Variants in B9D1 observed in about 807,000 individuals in gnomAD.
B9D1 encodes the protein B9 domain-containing protein 1.
In B9D1, 20 loss-of-function variants were observed where a neutral mutation model predicts 26.1. The ratio of observed to expected loss-of-function variants is 0.77; its 90% confidence interval spans 0.54 to 1.12. The LOEUF is 1.12. Ranked by LOEUF, B9D1 falls within the 50% of genes most tolerant of loss-of-function variation. The probability of loss-of-function intolerance (pLI) is 0.00; values close to 1 mark genes in which losing one functional copy is unlikely to be tolerated. For missense variants in B9D1, 260 were observed against 273.7 expected (o/e 0.95, Z 0.35); for synonymous variants, 105 against 103.1 (o/e 1.02, Z -0.11).
chr17:19,359,584 TCA>T lies in B9D1; in HGVS notation c.132+734_132+735del, dbSNP rs917409064. On this transcript the variant is annotated intron_variant, in intron 2 of 6. Transcript: ENST00000261499. The surrounding 1 kb of genome is among the most constrained non-coding windows in gnomAD (Gnocchi z 5.0). Reference sequence around the variant, plus strand: ...TGTCACTTCCTGGCTTGGTCTCCCCTCACACTTCTGGCTTACTAACATCCTAG... The same window carrying T: ...TGTCACTTCCTGGCTTGGTCTCCCCTCACTTCTGGCTTACTAACATCCTAG... Among the ~76,000 whole-genome samples the T allele has an allele frequency of 6.6e-6, 1 of 152,162 alleles. No homozygotes were observed. The highest frequency in any genetic ancestry group is 1.5e-5 in the Non-Finnish European group (1 of 68,032).
chr17:19,344,493 G>T (rs775908726), intron 5 of B9D1: 49 of 279,286 alleles, frequency 1.8e-4, no homozygotes, highest in Non-Finnish European at 3.4e-4. Flanking sequence ...GGAGGCCGGG[G>T]GTGTCAGGCC....
upstream of B9D1, among the ~76,000 whole-genome samples, chr17:19,365,551 C>T (rs1911544011): frequency 2.0e-5 from 3 of 152,234 alleles, no homozygotes; most frequent in Admixed American, 1.3e-4. The surrounding 1 kb of genome is among the most constrained non-coding windows in gnomAD (Gnocchi z 5.0). Flanking sequence ...CTGGAGGCCT[C>T]AGCCAGCCTG....
downstream of B9D1, among the ~76,000 whole-genome samples, chr17:19,342,704 G>A (rs1045603749): frequency 2.6e-5 from 4 of 152,146 alleles, no homozygotes; most frequent in African/African-American, 9.7e-5. Flanking sequence ...CCCAGCCAGC[G>A]GCCTCCCACC....
chr17:19,373,466 A>G (rs1028618663), intron 1 of B9D1, among the ~76,000 whole-genome samples: 8 of 150,844 alleles, frequency 5.3e-5, no homozygotes, highest in African/African-American at 2.0e-4. Flanking sequence ...ATCTTGGCTC[A>G]CTGCAACCTC....
Position 19,357,969 on chromosome 17 carries a change from C to T in B9D1, c.133-18G>A, listed in dbSNP as rs1213271670. ...TCCAGACCCTGTGAGGACAGTGACA[C>T]AGACGGCTGGATTCAGAGCAGAGCC... On this transcript the variant is annotated intron_variant, in intron 2 of 6. Transcript: ENST00000261499. 6.3e-7 allele frequency: 1 copy of T among 1,599,244 alleles called. No homozygotes were observed. The highest frequency in any genetic ancestry group is 8.6e-7 in the Non-Finnish European group (1 of 1,166,692).
intron 3 of B9D1, among the ~76,000 whole-genome samples, chr17:19,354,854 T>C (rs923561963): frequency 2.0e-5 from 3 of 152,176 alleles, no homozygotes; most frequent in African/African-American, 7.2e-5. Context: ...AAAGATTTTC[T>C]TTTTGTCTTT....
At chr17:19,346,840 T>G in intron 5 of B9D1, 1 of 1,218,898 alleles carries the variant, frequency 8.2e-7, no homozygotes, top group Non-Finnish European at 1.1e-6. Context: ...TCCCCGGCTC[T>G]TCCCTCCACA....
Position 19,347,923 on chromosome 17 carries a change from A to G in B9D1, c.245-43T>C, listed in dbSNP as rs1567889237. 2 of 1,530,298 alleles carry G rather than the reference A, an allele frequency of 1.3e-6. No individual in the cohort carries two copies. The highest frequency in any genetic ancestry group is 2.2e-5 in the East Asian group (1 of 44,562). The allele number at this position is 1,530,298 out of a possible 1,614,324, so 94.8% of individuals were successfully genotyped here. On this transcript the variant is annotated intron_variant, in intron 3 of 6. Coordinates refer to ENST00000261499, the MANE Select transcript of B9D1 (RefSeq NM_015681.6). This position sits in a 1 kb window ranked among gnomAD's most constrained non-coding sequence, Gnocchi z 4.3. ...AGGGGGTGGGCACATGAGGACACACAGGGGAGGTGCAGGGCAGAGAACAGG... is the reference window on the plus strand; with the variant it reads ...AGGGGGTGGGCACATGAGGACACACGGGGGAGGTGCAGGGCAGAGAACAGG...
At chr17:19,369,620 T>C (rs1447924893) in intron 1 of B9D1, among the ~76,000 whole-genome samples, 1 of 151,944 alleles carries the variant, frequency 6.6e-6, no homozygotes, top group African/African-American at 2.4e-5. Context: ...GGGGGAAAGC[T>C]GAGAGGCCGA....
At chr17:19,335,612 G>C, downstream of B9D1, 5 of 641,172 alleles carry the variant, frequency 7.8e-6, no homozygotes, top group East Asian at 3.2e-5. Flanking sequence ...CCTAGGCTAA[G>C]ACAGGGGTGG....
chr17:19,343,657 C>T (rs1439167593), intron 6 of B9D1, 133 bp downstream of exon 6: 7 of 1,598,066 alleles, frequency 4.4e-6, no homozygotes, highest in South Asian at 1.1e-5. Flanking sequence ...ACCAGGCCCT[C>T]ATCTGGGAAC....
intron 1 of B9D1, among the ~76,000 whole-genome samples, chr17:19,377,013 A>T (rs1408761290): frequency 1.3e-5 from 2 of 152,140 alleles, no homozygotes; most frequent in Non-Finnish European, 2.9e-5. Flanking sequence ...TTGAACAGAC[A>T]TTTCCCCAAA....
At chr17:19,340,319 C>T (rs55885404), downstream of B9D1, among the ~76,000 whole-genome samples, 103,310 of 151,224 alleles carry the variant, frequency 0.68, 37,783 homozygotes, top group Non-Finnish European at 0.81. Context: ...TACAGGCGCC[C>T]GCCACCATGC....
At position 19,372,363 on chromosome 17, in the gene B9D1, C is replaced by T. The variant is rs1911936725; in HGVS notation, c.-298+5496G>A. 1 of 152,414 alleles carries T rather than the reference C, an allele frequency of 6.6e-6. No homozygotes were observed. The highest frequency in any genetic ancestry group is 6.5e-5 in the Admixed American group (1 of 15,290). 9.4% of individuals were successfully genotyped at this position (152,414 alleles called of 1,614,324 possible). A position where few individuals can be genotyped will look rare whatever the true frequency, so the allele number is the denominator to read the frequency against. ...GGCCTTGGGGCCCTGCATGGTCTCA[C>T]CCCTGCCTAACTTTCTCGTCTCCAT... On this transcript the variant is annotated intron_variant, in intron 1 of 5. Coordinates refer to the B9D1 transcript ENST00000477478. This position sits in a 1 kb window ranked among gnomAD's most constrained non-coding sequence, Gnocchi z 4.4.
At chr17:19,351,825 T>C (rs918327916) in intron 3 of B9D1, among the ~76,000 whole-genome samples, 2 of 152,262 alleles carry the variant, frequency 1.3e-5, no homozygotes, top group Non-Finnish European at 2.9e-5. Flanking sequence ...TCTTATCTTT[T>C]TACTGTCTGC....
rs2152264476 is a variant in B9D1 at position 19,349,291 on chromosome 17, T to C, written c.245-1411A>G. Among the ~76,000 whole-genome samples the C allele has an allele frequency of 2.0e-5, 3 of 152,328 alleles. 1 individual carries two copies. In the South Asian group the frequency reaches 6.2e-4, roughly 32 times the overall value. ...GAAATAAGGTTGAGACCTTTACCTG[T>C]TTCTTGGTCACCTGGATGTCCTCTT... On this transcript the variant is annotated intron_variant, in intron 3 of 6. Transcript: ENST00000261499.
downstream of B9D1, chr17:19,335,597 C>T: frequency 1.1e-6 from 1 of 881,310 alleles, no homozygotes; most frequent in South Asian, 2.2e-5. Context: ...CCCTGGGCAA[C>T]AGTCCCTAGG....
chr17:19,366,729 C>T (rs907460453), upstream of B9D1, among the ~76,000 whole-genome samples: 4 of 152,236 alleles, frequency 2.6e-5, no homozygotes, highest in African/African-American at 9.6e-5. Flanking sequence ...AGGGGCCACA[C>T]TTGGAACACC....
chr17:19,349,447 G>A (rs1837213123), intron 3 of B9D1, among the ~76,000 whole-genome samples: 1 of 150,676 alleles, frequency 6.6e-6, no homozygotes, highest in Non-Finnish European at 1.5e-5. Context: ...GTGCAGTGGT[G>A]CAATCATGGC....
Sources: allele counts gnomAD v4.1 joint callset (sites outside exome capture counted in the v4.1 genomes callset), GRCh38; gene constraint gnomAD v4.1.1; non-coding constraint Gnocchi (gnomAD v3.1); transcripts MANE v1.5; gene names NCBI Gene and HGNC (gene_info 2026-07-23, HGNC 2026-07-21).